Variants in ARFGAP1 observed in about 807,000 individuals in gnomAD.
The protein encoded by ARFGAP1 is ARF GTPase activating protein 1, also known as ADP-ribosylation factor GTPase-activating protein 1.
ARFGAP1 carries 26 observed loss-of-function variants against 54.0 expected under a neutral mutation model. The observed-to-expected ratio is 0.48, with a 90% confidence interval of 0.35 to 0.67. ARFGAP1 has a LOEUF of 0.67. ARFGAP1 is among the 30% of genes least tolerant of loss of function. The pLI, the probability that ARFGAP1 is intolerant of heterozygous loss-of-function variation, is 0.00. For missense variants in ARFGAP1, 525 were observed against 535.8 expected (o/e 0.98, Z 0.20); for synonymous variants, 248 against 211.9 (o/e 1.17, Z -1.48).
chr20:63,277,512 C>A (rs969146927), intron 5 of ARFGAP1, among the ~76,000 whole-genome samples: 2 of 152,222 alleles, frequency 1.3e-5, no homozygotes, highest in Non-Finnish European at 2.9e-5. Context: ...GATAGCGCCC[C>A]AGGTAAGCTC....
rs1309532983 is a variant in ARFGAP1, at chr20:63,287,581, G to C, written c.929G>C (p.Ser310Thr). 6.3e-7 allele frequency: 1 copy of C among 1,594,120 alleles called. No homozygotes were observed. The highest frequency in any genetic ancestry group is 1.1e-5 in the South Asian group (1 of 90,596). The change falls in exon 13 of 13, where the codon AGT becomes ACT. Residue 310 changes from serine to threonine, a missense_variant. Ser to Thr is a moderately conservative substitution (Grantham distance 58). Coordinates refer to ENST00000370283, the MANE Select transcript of ARFGAP1 (RefSeq NM_018209.4). ...TTTAAAAGCCCCTCGGAGGGCCACA[G>C]TTATCAGAACAGCGGTCTGGACCAC... ...GPLDSPSEGH[S>T]YQNSGLDHFQ...
rs754566697 is a variant in ARFGAP1, at chr20:63,275,615, A to C, written c.35A>C (p.Glu12Ala). 1.8e-5 allele frequency: 29 copies of C among 1,613,766 alleles called. No individual in the cohort carries two copies. In the Admixed American group the frequency reaches 4.3e-4, roughly 24 times the overall value. Residue 12 changes from glutamate to alanine, a missense_variant, in exon 2 of 13, where the codon GAA becomes GCA. By Grantham distance (107) the Glu-to-Ala change is moderately radical. Transcript: ENST00000370283. ...CCAAGAACCAGGAAGGTTCTTAAAG[A>C]AGTCAGGGTGCAGGATGAGAACAAC... is the stretch of plus-strand genomic sequence containing the variant. ...ASPRTRKVLK[E>A]VRVQDENNVC...
rs73153583 is a variant in ARFGAP1 at position 63,284,934 on chromosome 20, C to A, written c.774+12C>A. 97,467 of 1,612,956 alleles carry A rather than the reference C, an allele frequency of 0.06. 3,282 individuals are homozygous for A. The highest frequency in any genetic ancestry group is 0.068 in the Non-Finnish European group (80,468 of 1,179,708). On this transcript the variant is annotated intron_variant, in intron 10 of 12. Coordinates refer to ENST00000370283, the MANE Select transcript of ARFGAP1 (RefSeq NM_018209.4). ...CTGCGCAGGAGAAGGTAACGGGCAG[C>A]TCCGGGTGGTTGTGCCTGGAGCCCT...
chr20:63,277,044 C>T lies in ARFGAP1; in HGVS notation c.343-161C>T, dbSNP rs555412832. On this transcript the variant is annotated intron_variant, in intron 4 of 12. Transcript: ENST00000370283. The stretch of plus-strand genomic sequence containing the variant: ...AGTGAGTCCTGGCCTCGCATCCACA[C>T]CTGGTCTGTGCACCTGAGCAGGGGC... Among the ~76,000 whole-genome samples the T allele has an allele frequency of 5.8e-4, 89 of 152,322 alleles. No homozygotes were observed. The Middle Eastern group carries it at 0.01, about 17-fold the overall frequency.
At chr20:63,286,102 G>C in intron 11 of ARFGAP1, 1 of 1,550,082 alleles carries the variant, frequency 6.5e-7, no homozygotes, top group South Asian at 1.2e-5. Flanking sequence ...AGCAGGCCTC[G>C]CTCCTCCCCC....
At position 63,276,745 on chromosome 20, in the gene ARFGAP1, GTTC is replaced by G. The variant is rs1302877480; in HGVS notation, c.342+99_342+101del. 2.2e-6 allele frequency: 3 copies of G among 1,392,598 alleles called. No individual in the cohort carries two copies. Among genetic ancestry groups the G allele is most frequent in the Non-Finnish European group, 2.9e-6 (3 of 1,042,150 alleles). 86.3% of individuals were successfully genotyped at this position (1,392,598 alleles called of 1,614,324 possible). A position where few individuals can be genotyped will look rare whatever the true frequency, so the allele number is the denominator to read the frequency against. On this transcript the variant is annotated intron_variant, in intron 4 of 12. Transcript: ENST00000370283. This position sits in a 1 kb window ranked among gnomAD's most constrained non-coding sequence, Gnocchi z 5.2. ...GTGGCCTTTAGTGGTTCTGGAGTCG[GTTC>G]TTCTGCTGGTTCTGACACACCCACT...
At chr20:63,286,466 C>G in intron 12 of ARFGAP1, 24 bp downstream of exon 12, 1 of 1,607,220 alleles carries the variant, frequency 6.2e-7, no homozygotes, top group South Asian at 1.1e-5. Flanking sequence ...CCTCCTGGGC[C>G]TTGCATCCCA....
At position 63,276,340 on chromosome 20, in the gene ARFGAP1, G is replaced by A. The variant is rs2067237503; in HGVS notation, c.170+140G>A. 1.5e-6 allele frequency: 2 copies of A among 1,372,234 alleles called. No homozygotes were observed. Among genetic ancestry groups the A allele is most frequent in the African/African-American group, 1.4e-5 (1 of 69,818 alleles). 85.0% of individuals were successfully genotyped at this position (1,372,234 alleles called of 1,614,324 possible). A position where few individuals can be genotyped will look rare whatever the true frequency, so the allele number is the denominator to read the frequency against. ...CCAGTGTCCACTCTAGTGACGCCAT[G>A]GCACAGAGTTCCAGCTGCTGGCCAC... On this transcript the variant is annotated intron_variant, in intron 3 of 12. Coordinates refer to ENST00000370283, the MANE Select transcript of ARFGAP1 (RefSeq NM_018209.4). This position sits in a 1 kb window ranked among gnomAD's most constrained non-coding sequence, Gnocchi z 5.2.
intron 6 of ARFGAP1, 159 bp downstream of exon 6, chr20:63,278,362 A>C: frequency 1.5e-6 from 1 of 680,728 alleles, no homozygotes; most frequent in Non-Finnish European, 2.5e-6. Flanking sequence ...CAGCCAGCCC[A>C]GTGTGAATTG....
chr20:63,280,558 A>G (rs1255819913), intron 7 of ARFGAP1, among the ~76,000 whole-genome samples: 1 of 152,258 alleles, frequency 6.6e-6, no homozygotes, highest in East Asian at 1.9e-4. Flanking sequence ...AGAGCCCCCA[A>G]GTGTGTGGAG....
intron 9 of ARFGAP1, chr20:63,283,116 C>T (rs147182623): frequency 2.7e-4 from 143 of 532,432 alleles, no homozygotes; most frequent in African/African-American, 2.2e-3. Flanking sequence ...CCACTGCAGC[C>T]GGCCACCTTG....
At position 63,286,869 on chromosome 20, in the gene ARFGAP1, G is replaced by A. The variant is rs190013159; in HGVS notation, c.911+427G>A. The A allele has an allele frequency of 3.7e-5, 7 of 189,518 alleles. No individual in the cohort carries two copies. The East Asian group carries it at 1.1e-3, about 29-fold the overall frequency. 11.7% of individuals were successfully genotyped at this position (189,518 alleles called of 1,614,324 possible). A position where few individuals can be genotyped will look rare whatever the true frequency, so the allele number is the denominator to read the frequency against. ...TGGATGGAGCAGGTCGGGGGCCAGG[G>A]GACAGGAAGGCTAGGGCCCCAGAGA... On this transcript the variant is annotated intron_variant, in intron 12 of 12. Transcript: ENST00000370283.
chr20:63,278,525 G>A, intron 6 of ARFGAP1: 1 of 462,988 alleles, frequency 2.2e-6, no homozygotes. Flanking sequence ...TGAATTGGGG[G>A]TCTTGGGTGT....
At chr20:63,275,486 C>G in intron 1 of ARFGAP1, 91 bp from the exon 2 acceptor site, 1 of 1,278,812 alleles carries the variant, frequency 7.8e-7, no homozygotes, top group South Asian at 1.3e-5. Context: ...CTCAGGTTTT[C>G]TGTTGTGTGG....
At chr20:63,281,481 G>T in intron 8 of ARFGAP1, 134 bp downstream of exon 8, 2 of 1,128,626 alleles carry the variant, frequency 1.8e-6, no homozygotes, top group South Asian at 2.9e-5. Context: ...ACCATGGGCT[G>T]TGCCAACGCA....
rs148414303 is a variant in ARFGAP1, at chr20:63,287,691, G to A, written c.1039G>A (p.Asp347Asn). The A allele has an allele frequency of 2.2e-5, 36 of 1,612,292 alleles. No homozygotes were observed. The African/African-American group carries it at 4.4e-4, about 20-fold the overall frequency. ...PTKTRKSPSS[D>N]SWTCADTSTE... ...CAAGACCCGCAAGTCCCCGAGCAGC[G>A]ACAGCTGGACGTGCGCGGACACCTC... The change falls in exon 13 of 13, where the codon GAC (aspartate) becomes AAC (asparagine). Residue 347 changes from aspartate to asparagine, a missense_variant. Transcript: ENST00000370283.
At chr20:63,284,023 G>T (rs11086161) in intron 9 of ARFGAP1, 557,561 of 1,476,462 alleles carry the variant, frequency 0.38, 109,965 homozygotes, top group East Asian at 0.5. Context: ...GCCTCGGTCC[G>T]TGGCTCTCCT....
chr20:63,283,037 A>G (rs1479315670), intron 9 of ARFGAP1, 186 bp downstream of exon 9: 3 of 647,812 alleles, frequency 4.6e-6, no homozygotes, highest in South Asian at 1.9e-5. Flanking sequence ...TGGCTGCCTC[A>G]TGGACCCACT....
Position 63,277,276 on chromosome 20 carries a change from G to A in ARFGAP1, c.414G>A (p.Gln138=). The A allele has an allele frequency of 6.2e-7, 1 of 1,612,894 alleles. No individual in the cohort carries two copies. Among genetic ancestry groups the A allele is most frequent in the Non-Finnish European group, 8.5e-7 (1 of 1,179,892 alleles). ...SSPAQNWTPP[Q]PRTLPSMVHR... ...CTGCCCAGAACTGGACCCCACCTCA[G>A]CCCAGGACGCTGCCGTCCATGGTGC... The change falls in exon 5 of 13, where the codon CAG becomes CAA. Residue 138 remains glutamine (Q), a synonymous_variant. Coordinates refer to ENST00000370283, the MANE Select transcript of ARFGAP1 (RefSeq NM_018209.4).
Sources: allele counts gnomAD v4.1 joint callset (sites outside exome capture counted in the v4.1 genomes callset), GRCh38; gene constraint gnomAD v4.1.1; non-coding constraint Gnocchi (gnomAD v3.1); transcripts MANE v1.5; gene names NCBI Gene and HGNC (gene_info 2026-07-23, HGNC 2026-07-21).